The following RMDN1 variants were observed in gnomAD, a reference collection of about 807,000 sequenced individuals.
RMDN1 encodes regulator of microtubule dynamics 1.
In RMDN1, 48 loss-of-function variants were observed where a neutral mutation model predicts 48.9. The observed-to-expected ratio is 0.98, with a 90% CI of 0.78 to 1.25. The LOEUF (loss-of-function observed/expected upper bound fraction) is 1.25. Among genes scored for constraint, RMDN1 ranks in the 50% most tolerant of loss-of-function variants. The pLI, the probability that RMDN1 is intolerant of heterozygous loss-of-function variation, is 0.00. For missense variants in RMDN1, 418 were observed against 373.4 expected (o/e 1.12, Z -0.98); for synonymous variants, 148 against 132.6 (o/e 1.12, Z -0.80).
intron 6 of RMDN1, 139 bp from the exon 7 acceptor site, chr8:86,479,149 TA>T: frequency 1.6e-6 from 1 of 620,364 alleles, no homozygotes. Context: ...ATCTACTAGG[TA>T]ATCCAGAGAT....
chr8:86,512,873 A>G (rs766452760), upstream of RMDN1, among the ~76,000 whole-genome samples: 4 of 151,646 alleles, frequency 2.6e-5, no homozygotes, highest in Non-Finnish European at 4.4e-5. Context: ...CAGGAGTTCA[A>G]CACCAGCCTG....
chr8:86,477,410 T>TA, intron 7 of RMDN1, 86 bp from the exon 8 acceptor site: 1 of 1,036,868 alleles, frequency 9.6e-7, no homozygotes, highest in Non-Finnish European at 1.4e-6. Context: ...GATCTACTGC[T>TA]ATATTATATT....
chr8:86,514,169 T>C (rs1049434099), intron 1 of RMDN1: 1 of 734,214 alleles, frequency 1.4e-6, no homozygotes, highest in Admixed American at 6.3e-5. Flanking sequence ...AGTTCAGATA[T>C]GGCATAAATT....
chr8:86,501,667 T>C (rs1818245528), intron 2 of RMDN1, among the ~76,000 whole-genome samples: 2 of 7,796 alleles, frequency 2.6e-4, no homozygotes, highest in African/African-American at 9.9e-4. Context: ...AGACCCTGTC[T>C]CAAAAAAAAA....
chr8:86,505,474 G>C (rs1419152371), intron 2 of RMDN1: 1 of 400,790 alleles, frequency 2.5e-6, no homozygotes, highest in Non-Finnish European at 5.3e-6. Flanking sequence ...AGGCAGACGG[G>C]GTTTATGTAA....
intron 8 of RMDN1, among the ~76,000 whole-genome samples, chr8:86,476,021 G>GA (rs1813316486): frequency 6.6e-6 from 1 of 152,046 alleles, no homozygotes; most frequent in African/African-American, 2.4e-5. Context: ...AGTATCACTG[G>GA]AAAAATAAAA....
At chr8:86,470,874 A>C (rs545018173), downstream of RMDN1, among the ~76,000 whole-genome samples, 1 of 152,156 alleles carries the variant, frequency 6.6e-6, no homozygotes, top group African/African-American at 2.4e-5. Flanking sequence ...GGTGGGGGAG[A>C]GGAGGAGGTA....
At chr8:86,472,307 A>C (rs1393990904), downstream of RMDN1, 2 of 628,964 alleles carry the variant, frequency 3.2e-6, no homozygotes, top group Non-Finnish European at 5.7e-6. Context: ...CTACAGGTAG[A>C]AAATTCCACA....
Position 86,472,754 on chromosome 8 carries a change from T to G in RMDN1, c.*1554A>C. 1 of 368,430 alleles carries G rather than the reference T, an allele frequency of 2.7e-6. No homozygotes were observed. Among genetic ancestry groups the G allele is most frequent in the Non-Finnish European group, 4.8e-6 (1 of 206,976 alleles). 22.8% of individuals were successfully genotyped at this position (368,430 alleles called of 1,614,324 possible). ...ATAAGTATAAGAAAATAACTGCTTA[T>G]TGGTAGCATATACATTCAGTCAGGA... On this transcript the variant is annotated 3_prime_UTR_variant, in exon 10 of 10. Coordinates refer to ENST00000406452, the MANE Select transcript of RMDN1 (RefSeq NM_016033.3).
At chr8:86,469,596 G>A (rs553627896), downstream of RMDN1, among the ~76,000 whole-genome samples, 16 of 152,188 alleles carry the variant, frequency 1.1e-4, no homozygotes, top group Non-Finnish European at 2.4e-4. Context: ...GAGTAGACTG[G>A]TGCCAAATAC....
At chr8:86,504,100 G>T in intron 2 of RMDN1, 6 of 1,054,538 alleles carry the variant, frequency 5.7e-6, no homozygotes, top group Admixed American at 1.7e-5. Context: ...CTTTGGTCTG[G>T]AATTCAAATT....
intron 2 of RMDN1, chr8:86,503,983 G>C: frequency 1.3e-6 from 1 of 773,146 alleles, no homozygotes; most frequent in Admixed American, 1.7e-5. Context: ...ACTGTGCACA[G>C]GTTTTATGCC....
At chr8:86,489,675 C>T (rs1816143705) in intron 2 of RMDN1, among the ~76,000 whole-genome samples, 1 of 151,972 alleles carries the variant, frequency 6.6e-6, no homozygotes, top group Non-Finnish European at 1.5e-5. Flanking sequence ...ACTAAAAATA[C>T]AAAAATTAGC....
chr8:86,506,459 A>G (rs1263100663), intron 2 of RMDN1, among the ~76,000 whole-genome samples: 2 of 152,106 alleles, frequency 1.3e-5, no homozygotes, highest in Non-Finnish European at 2.9e-5. Flanking sequence ...AATCTTTCCA[A>G]CAGACCATGT....
intron 2 of RMDN1, among the ~76,000 whole-genome samples, chr8:86,496,180 T>C (rs1421518871): frequency 6.6e-6 from 1 of 152,222 alleles, no homozygotes; most frequent in Non-Finnish European, 1.5e-5. Context: ...GAAAGACCAA[T>C]ACTTGCCACA....
intron 5 of RMDN1, among the ~76,000 whole-genome samples, chr8:86,484,297 G>C (rs547793366): frequency 6.7e-5 from 10 of 149,366 alleles, no homozygotes; most frequent in African/African-American, 2.0e-4. Context: ...TCATAGGTAA[G>C]AGGCCATCTT....
intron 5 of RMDN1, 151 bp from the exon 6 acceptor site, chr8:86,480,483 C>A: frequency 2.0e-6 from 1 of 495,384 alleles, no homozygotes; most frequent in East Asian, 3.1e-5. Context: ...CCTCCTGATT[C>A]TTTGATTAAA....
At chr8:86,514,146 G>T in intron 1 of RMDN1, 1 of 523,166 alleles carries the variant, frequency 1.9e-6, no homozygotes, top group Non-Finnish European at 2.5e-6. Flanking sequence ...GAGCCACTGC[G>T]CCCAGTCTTC....
chr8:86,498,020 C>T (rs180693268), intron 2 of RMDN1, among the ~76,000 whole-genome samples: 1 of 152,180 alleles, frequency 6.6e-6, no homozygotes, highest in South Asian at 2.1e-4. Context: ...CGCTTGAACC[C>T]GGGAGGTGGA....
Sources: gnomAD v4.1 joint callset for allele counts (sites outside exome capture counted in the v4.1 genomes callset) on GRCh38, gnomAD v4.1.1 for gene constraint, MANE v1.5 for transcripts, NCBI Gene and HGNC (gene_info 2026-07-23, HGNC 2026-07-21) for gene names.